The following ERCC6 variants were observed in gnomAD, a reference collection of about 807,000 sequenced individuals.
ERCC6 encodes the protein DNA excision repair protein ERCC-6.
Under a neutral mutation model 158.7 loss-of-function variants are expected in ERCC6, and 116 were observed. That is an observed-to-expected ratio of 0.73 (90% CI 0.63 to 0.85). ERCC6 has a LOEUF of 0.85. Ranked by LOEUF, ERCC6 falls within the 40% of genes least tolerant of loss-of-function variation. ERCC6 has a pLI of 0.00. For missense variants in ERCC6, 1,698 were observed against 1,799.4 expected (o/e 0.94, Z 1.02); for synonymous variants, 678 against 659.3 (o/e 1.03, Z -0.43).
intron 18 of ERCC6, 148 bp downstream of exon 18, chr10:49,470,034 C>T: frequency 1.3e-6 from 1 of 758,720 alleles, no homozygotes; most frequent in Non-Finnish European, 2.3e-6. Flanking sequence ...TTTAAAATGT[C>T]AATATATTTC....
intron 18 of ERCC6, among the ~76,000 whole-genome samples, chr10:49,464,913 T>C (rs955382843): frequency 3.3e-5 from 5 of 152,220 alleles, no homozygotes; most frequent in East Asian, 1.9e-4. Context: ...GAATCTCTCC[T>C]AGGGCAGTGC....
chr10:49,525,825 C>T (rs1837304438), intron 4 of ERCC6, among the ~76,000 whole-genome samples: 1 of 151,890 alleles, frequency 6.6e-6, no homozygotes, highest in African/African-American at 2.4e-5. Flanking sequence ...GCCTCTACGC[C>T]CCCCAAGATA....
rs4253219 is a variant in ERCC6, at chr10:49,461,370, C to A, written c.3965G>T (p.Gly1322Val). ...CTCTTACTTTTTTCCTGCTGGTGCA[C>A]CAGAAATCCCCCTGTGGCCAGTCCA... ...PTWTGHRGIS[G>V]APAGKKSRFG... The change falls in exon 19 of 21, where the codon GGT (glycine) becomes GTT (valine). Residue 1322 changes from glycine to valine, a missense_variant. By Grantham distance (109) the Gly-to-Val change is moderately radical. Transcript: ENST00000355832. The A allele has an allele frequency of 1.4e-3, 2,183 of 1,613,410 alleles. 40 individuals carry two copies. The South Asian group carries it at 0.022, about 16-fold the overall frequency.
chr10:49,511,427 CTTTT>C (rs66834567), intron 5 of ERCC6, among the ~76,000 whole-genome samples: 5 of 133,416 alleles, frequency 3.7e-5, no homozygotes, highest in Admixed American at 7.6e-5. Context: ...TTCTTTTTTA[CTTTT>C]TTTTTTTTTT....
At chr10:49,516,045 C>T in intron 5 of ERCC6, 1 of 1,614,082 alleles carries the variant, frequency 6.2e-7, no homozygotes, top group East Asian at 2.2e-5. Context: ...AAGTGCAATA[C>T]TGGTGAAAAA....
chr10:49,534,571 A>G (rs1242598596), intron 1 of ERCC6, among the ~76,000 whole-genome samples: 2 of 152,206 alleles, frequency 1.3e-5, no homozygotes, highest in Non-Finnish European at 2.9e-5. Context: ...ATACAAACTA[A>G]GCCTGCAAAT....
At chr10:49,485,266 G>A (rs920248555) in intron 8 of ERCC6, among the ~76,000 whole-genome samples, 6 of 152,200 alleles carry the variant, frequency 3.9e-5, no homozygotes, top group African/African-American at 1.4e-4. Context: ...TAATGTACCA[G>A]GTCACGCAGC....
chr10:49,506,168 G>C, intron 5 of ERCC6, 156 bp from the exon 6 acceptor site: 2 of 733,386 alleles, frequency 2.7e-6, no homozygotes, highest in Non-Finnish European at 4.5e-6. Flanking sequence ...ATTCAAAGAG[G>C]AAAAACAATT....
At chr10:49,530,421 C>T (rs908877085) in intron 3 of ERCC6, among the ~76,000 whole-genome samples, 1 of 152,108 alleles carries the variant, frequency 6.6e-6, no homozygotes, top group Non-Finnish European at 1.5e-5. Flanking sequence ...TTTTGACTAA[C>T]AATATTTTCA....
At chr10:49,464,555 A>G (rs2104346) in intron 18 of ERCC6, among the ~76,000 whole-genome samples, 137,613 of 152,296 alleles carry the variant, frequency 0.9, 62,257 homozygotes, top group East Asian at 1. Flanking sequence ...TGCAGGGCAT[A>G]TCAGAGACCT....
chr10:49,524,045 T>G lies in ERCC6; in HGVS notation c.1385A>C (p.Lys462Thr). 6.2e-7 allele frequency: 1 copy of G among 1,613,580 alleles called. No individual in the cohort carries two copies. The highest frequency in any genetic ancestry group is 8.5e-7 in the Non-Finnish European group (1 of 1,180,014). The change falls in exon 5 of 21, where the codon AAG becomes ACG. Residue 462 changes from lysine to threonine, a missense_variant. By Grantham distance (78) the Lys-to-Thr change is moderately conservative. Coordinates refer to ENST00000355832, the MANE Select transcript of ERCC6 (RefSeq NM_000124.4). ...CCCACAGACCGACCTTAACCGCTGC[T>G]TATAATAATCTTCATCTCCATCATC... is the stretch of plus-strand genomic sequence containing the variant. The part of the protein sequence containing the change: ...YRDDGDEDYY[K>T]QRLRRWNKLR...
intron 5 of ERCC6, chr10:49,517,037 C>G: frequency 6.2e-7 from 1 of 1,613,676 alleles, no homozygotes; most frequent in Non-Finnish European, 8.5e-7. Flanking sequence ...GTGGTTGTAT[C>G]ACTATAGCAC....
intron 18 of ERCC6, among the ~76,000 whole-genome samples, chr10:49,467,269 T>C (rs1850694446): frequency 6.6e-6 from 1 of 152,194 alleles, no homozygotes; most frequent in African/African-American, 2.4e-5. Context: ...AAAAGCTATA[T>C]CACAAGGAAA....
At chr10:49,530,581 A>C in intron 3 of ERCC6, 139 bp downstream of exon 3, 1 of 1,406,282 alleles carries the variant, frequency 7.1e-7, no homozygotes, top group African/African-American at 1.4e-5. Flanking sequence ...AACATACAAA[A>C]GAAACCCAAA....
intron 1 of ERCC6, among the ~76,000 whole-genome samples, chr10:49,538,326 C>T (rs974754484): frequency 6.6e-6 from 1 of 152,190 alleles, no homozygotes; most frequent in Non-Finnish European, 1.5e-5. Flanking sequence ...ACTCCCAGTG[C>T]AATGGAATGA....
rs114662249 is a variant in ERCC6, at chr10:49,513,142, T to C, written c.1398-7130A>G. ...TATGCCAAATATCTTATACATATCA[T>C]CACCCATGAAGAAGGTACTGCTGTG... On this transcript the variant is annotated intron_variant, in intron 5 of 20. Coordinates refer to ENST00000355832, the MANE Select transcript of ERCC6 (RefSeq NM_000124.4). Among the ~76,000 whole-genome samples the C allele has an allele frequency of 8.4e-3, 1,284 of 152,274 alleles. 23 individuals carry two copies. Among genetic ancestry groups the C allele is most frequent in the African/African-American group, 0.029 (1,207 of 41,538 alleles).
intron 18 of ERCC6, among the ~76,000 whole-genome samples, chr10:49,467,665 G>C (rs540904791): frequency 6.6e-6 from 1 of 151,804 alleles, no homozygotes; most frequent in African/African-American, 2.4e-5. Context: ...TCCCAGGCTC[G>C]AGCAATCCTC....
At chr10:49,512,429 A>G (rs1013070409) in intron 5 of ERCC6, among the ~76,000 whole-genome samples, 9 of 152,182 alleles carry the variant, frequency 5.9e-5, no homozygotes, top group African/African-American at 1.9e-4. Context: ...AGTGCCCCCT[A>G]GTGTGTTCAA....
chr10:49,442,374 T>C, the ERCC6 span, among the ~76,000 whole-genome samples: 1 of 152,200 alleles, frequency 6.6e-6, no homozygotes, highest in South Asian at 2.1e-4. Context: ...CCGAATTCCC[T>C]GTGAAGAAGA....
Sources: allele counts gnomAD v4.1 joint callset (sites outside exome capture counted in the v4.1 genomes callset), GRCh38; gene constraint gnomAD v4.1.1; transcripts MANE v1.5; gene names NCBI Gene and HGNC (gene_info 2026-07-23, HGNC 2026-07-21).